Variants in ACSM4 observed in about 807,000 individuals in gnomAD.
ACSM4 encodes acyl-CoA synthetase medium chain family member 4.
In ACSM4, 66 loss-of-function variants were observed where a neutral mutation model predicts 73.0. That is an observed-to-expected ratio of 0.90 (90% CI 0.74 to 1.11). The LOEUF (loss-of-function observed/expected upper bound fraction) is 1.11. Among genes scored for constraint, ACSM4 ranks in the 50% least tolerant of loss-of-function variants. The pLI is 0.00. For missense variants in ACSM4, 645 were observed against 714.4 expected (o/e 0.90, Z 1.11); for synonymous variants, 222 against 254.0 (o/e 0.87, Z 1.20).
At chr12:7,316,896 C>T (rs1310493105) in intron 3 of ACSM4, among the ~76,000 whole-genome samples, 9 of 152,124 alleles carry the variant, frequency 5.9e-5, no homozygotes, top group African/African-American at 2.2e-4. Context: ...TTGGCTATTT[C>T]TTTACCCTAT....
intron 12 of ACSM4, among the ~76,000 whole-genome samples, chr12:7,327,729 TTCACTAAATCATTGACTAAAG>T (rs140781204): frequency 0.028 from 4,288 of 152,292 alleles, 94 homozygotes; most frequent in Non-Finnish European, 0.043. Context: ...CTCCATTAAA[TTCACTAAATCATTGACTAAAG>T]TCACTAAATC....
rs1228458887 is a variant in ACSM4, at chr12:7,318,090, G to T, written c.829G>T (p.Ala277Ser). 6.2e-7 allele frequency: 1 copy of T among 1,613,710 alleles called. No homozygotes were observed. Among genetic ancestry groups the T allele is most frequent in the African/African-American group, 1.3e-5 (1 of 74,894 alleles). ...WNMSDTGWVK[A>S]AIGSVFSSWL... ...TATGTCTGACACGGGCTGGGTCAAG[G>T]CCGCCATTGGCAGTGTGTTTTCTTC... The change falls in exon 5 of 13, where the codon GCC becomes TCC. Residue 277 changes from alanine (A) to serine (S), a missense_variant. By Grantham distance (99) the Ala-to-Ser change is moderately conservative (BLOSUM62 1). Transcript: ENST00000399422.
chr12:7,314,648 TAGAG>T (rs1367209429), intron 3 of ACSM4, among the ~76,000 whole-genome samples: 2 of 152,106 alleles, frequency 1.3e-5, no homozygotes, highest in Non-Finnish European at 2.9e-5. Flanking sequence ...AGATGATAGA[TAGAG>T]AGATAGATGC....
At chr12:7,318,271 G>C (rs1394236178) in intron 5 of ACSM4, 89 bp downstream of exon 5, 2 of 1,488,646 alleles carry the variant, frequency 1.3e-6, no homozygotes, top group Non-Finnish European at 1.8e-6. Flanking sequence ...AGAATACAAG[G>C]CTTCTTGGGC....
At chr12:7,324,141 G>A in intron 9 of ACSM4, 132 bp from the exon 10 acceptor site, 1 of 1,092,998 alleles carries the variant, frequency 9.1e-7, no homozygotes, top group Non-Finnish European at 1.3e-6. Flanking sequence ...AGGCAACAGA[G>A]AGAGACTCTG....
At chr12:7,319,584 C>T (rs375982988) in intron 5 of ACSM4, among the ~76,000 whole-genome samples, 20 of 144,928 alleles carry the variant, frequency 1.4e-4, no homozygotes, top group Middle Eastern at 3.6e-3. Context: ...AGCAAGACTC[C>T]GTCTCAAAAA....
At chr12:7,323,142 T>C (rs911329126) in intron 7 of ACSM4, 92 bp from the exon 8 acceptor site, 3 of 1,239,646 alleles carry the variant, frequency 2.4e-6, no homozygotes, top group Middle Eastern at 2.3e-4. Flanking sequence ...ACCAGGAAAA[T>C]CAGTCAAAAT....
intron 7 of ACSM4, among the ~76,000 whole-genome samples, chr12:7,322,791 G>A (rs972729389): frequency 2.6e-5 from 4 of 152,150 alleles, no homozygotes; most frequent in Non-Finnish European, 4.4e-5. Context: ...TAGCGGGTGG[G>A]TGAGGTTCAG....
intron 3 of ACSM4, among the ~76,000 whole-genome samples, chr12:7,314,530 A>G (rs1168175566): frequency 1.3e-5 from 2 of 152,186 alleles, no homozygotes; most frequent in East Asian, 3.8e-4. Context: ...TGAAAGATTG[A>G]TAAGTAGGTA....
intron 3 of ACSM4, among the ~76,000 whole-genome samples, 194 bp downstream of exon 3, chr12:7,310,940 T>C (rs1420311292): frequency 2.0e-5 from 3 of 152,064 alleles, no homozygotes; most frequent in African/African-American, 7.2e-5. Context: ...CTGAGGTGGG[T>C]GGATCACTTG....
chr12:7,313,111 C>T (rs1382193593), intron 3 of ACSM4, among the ~76,000 whole-genome samples: 1 of 152,130 alleles, frequency 6.6e-6, no homozygotes, highest in East Asian at 1.9e-4. Flanking sequence ...TTTTTCTTCT[C>T]TACCCTAGTT....
intron 6 of ACSM4, among the ~76,000 whole-genome samples, chr12:7,321,850 C>T (rs1946465960): frequency 6.6e-6 from 1 of 152,170 alleles, no homozygotes; most frequent in Non-Finnish European, 1.5e-5. Context: ...TTAAGAGCCC[C>T]CTCATAAGGT....
chr12:7,317,050 G>A, intron 3 of ACSM4, 87 bp from the exon 4 acceptor site: 15 of 1,440,710 alleles, frequency 1.0e-5, no homozygotes, highest in Non-Finnish European at 1.4e-5. Flanking sequence ...CTGGTAGCAA[G>A]AGGGCATAAG....
chr12:7,328,554 C>G lies in ACSM4; in HGVS notation c.*181C>G, dbSNP rs11051244. 2.7e-6 allele frequency: 1 copy of G among 370,536 alleles called. No individual in the cohort carries two copies. The highest frequency in any genetic ancestry group is 4.9e-6 in the Non-Finnish European group (1 of 204,666). 23.0% of individuals were successfully genotyped at this position (370,536 alleles called of 1,614,324 possible). A position where few individuals can be genotyped will look rare whatever the true frequency, so the allele number is the denominator to read the frequency against. ...TAAAAGTAAATAAAAGCCTCAAAAA[C>G]GTATGGATGAAAATTGTTATAATGA... is the stretch of plus-strand genomic sequence containing the variant. On this transcript the variant is annotated 3_prime_UTR_variant, in exon 13 of 13. Coordinates refer to ENST00000399422, the MANE Select transcript of ACSM4 (RefSeq NM_001080454.2).
chr12:7,320,750 C>T lies in ACSM4; in HGVS notation c.947C>T (p.Thr316Ile), dbSNP rs750791481. 1 of 1,613,732 alleles carries T rather than the reference C, an allele frequency of 6.2e-7. No individual in the cohort carries two copies. Among genetic ancestry groups the T allele is most frequent in the African/African-American group, 1.3e-5 (1 of 74,994 alleles). ...LDTLTTYPIT[T>I]LCSPPTVYRM... is the part of the protein sequence containing the mutation. ...ACACTTACTACTTATCCCATCACGA[C>T]CCTGTGCAGTCCTCCCACTGTGTAC... The change falls in exon 6 of 13, where the codon ACC becomes ATC. Residue 316 changes from threonine (T) to isoleucine (I), a missense_variant. Thr to Ile is a moderately conservative substitution (Grantham distance 89, BLOSUM62 -1). Transcript: ENST00000399422.
intron 3 of ACSM4, among the ~76,000 whole-genome samples, chr12:7,313,156 C>G (rs1386814659): frequency 6.6e-6 from 1 of 152,174 alleles, no homozygotes; most frequent in African/African-American, 2.4e-5. Context: ...AGCACTTCCA[C>G]TTCAGAGACT....
intron 6 of ACSM4, 127 bp from the exon 7 acceptor site, chr12:7,322,291 G>C: frequency 7.6e-7 from 1 of 1,319,584 alleles, no homozygotes; most frequent in Non-Finnish European, 1.1e-6. Flanking sequence ...ACAAGTATTT[G>C]TTGAATGAAC....
chr12:7,313,723 T>C (rs1175341882), intron 3 of ACSM4, among the ~76,000 whole-genome samples: 1 of 152,034 alleles, frequency 6.6e-6, no homozygotes, highest in African/African-American at 2.4e-5. Context: ...GGGAACAGCA[T>C]GACCAAAGAT....
Position 7,324,385 on chromosome 12 carries a change from T to A in ACSM4, c.1421T>A (p.Val474Asp), listed in dbSNP as rs1336804417. Residue 474 changes from valine (V) to aspartate (D), a missense_variant, in exon 10 of 13, where the codon GTC becomes GAC. Val to Asp is a radical substitution (Grantham distance 152, BLOSUM62 -3). Coordinates refer to ENST00000399422, the MANE Select transcript of ACSM4 (RefSeq NM_001080454.2). ...YFWFVGRADD[V>D]IISSGYRIGP... ...TGGTTTGTCGGCAGAGCTGATGATG[T>A]CATTATATCCTCTGGGTTTGTATAT... is the stretch of plus-strand genomic sequence containing the variant. The A allele has an allele frequency of 1.2e-6, 2 of 1,613,990 alleles. No individual in the cohort carries two copies. The highest frequency in any genetic ancestry group is 1.7e-6 in the Non-Finnish European group (2 of 1,180,002).
Sources: gnomAD v4.1 joint callset for allele counts (sites outside exome capture counted in the v4.1 genomes callset) on GRCh38, gnomAD v4.1.1 for gene constraint, MANE v1.5 for transcripts, NCBI Gene and HGNC (gene_info 2026-07-23, HGNC 2026-07-21) for gene names.